RLIG1: variants seen among roughly 807,000 people sequenced by gnomAD.
RLIG1 encodes RNA ligase 1.
chr12:88,047,863 A>G, the RLIG1 span, among the ~76,000 whole-genome samples: 1 of 152,168 alleles, frequency 6.6e-6, no homozygotes, highest in South Asian at 2.1e-4. Flanking sequence ...ATTCTATCAT[A>G]TAACATTCCT....
chr12:88,041,151 A>C, the RLIG1 span, among the ~76,000 whole-genome samples: 1 of 152,242 alleles, frequency 6.6e-6, no homozygotes, highest in South Asian at 2.1e-4. Context: ...TCCTGTCTCT[A>C]TGAATTTGAC....
the RLIG1 span, among the ~76,000 whole-genome samples, chr12:88,037,343 C>T: frequency 1.3e-5 from 2 of 151,954 alleles, no homozygotes; most frequent in African/African-American, 4.8e-5. Context: ...CTTGTTTTTC[C>T]GGTAATAGTC....
chr12:88,040,038 G>C, the RLIG1 span: 3 of 704,152 alleles, frequency 4.3e-6, no homozygotes, highest in Non-Finnish European at 7.6e-6. Context: ...AAGATGAACT[G>C]GAGATCATTC....
At chr12:88,043,188 C>T in the RLIG1 span, among the ~76,000 whole-genome samples, 1 of 151,666 alleles carries the variant, frequency 6.6e-6, no homozygotes, top group African/African-American at 2.4e-5. Context: ...GAGACAAATA[C>T]GTAATTTTAT....
At chr12:88,046,636 G>A in the RLIG1 span, among the ~76,000 whole-genome samples, 2 of 152,166 alleles carry the variant, frequency 1.3e-5, no homozygotes, top group Admixed American at 6.5e-5. Context: ...GGAATTTAGA[G>A]TTATTGGAAT....
chr12:88,049,457 A>C, the RLIG1 span: 1 of 1,001,854 alleles, frequency 1.0e-6, no homozygotes. Flanking sequence ...TAGGAAATAT[A>C]CATATTTTAC....
At chr12:88,046,085 G>A in the RLIG1 span, among the ~76,000 whole-genome samples, 1 of 152,124 alleles carries the variant, frequency 6.6e-6, no homozygotes, top group African/African-American at 2.4e-5. Flanking sequence ...GTCGATTGAT[G>A]AAAATGCACT....
the RLIG1 span, chr12:88,042,085 G>C: frequency 6.6e-6 from 1 of 152,192 alleles, no homozygotes; most frequent in African/African-American, 2.4e-5. Context: ...GAGAGGCCAA[G>C]TAAAAGCTAC....
the RLIG1 span, chr12:88,036,141 C>T: frequency 8.1e-7 from 1 of 1,239,926 alleles, no homozygotes; most frequent in Non-Finnish European, 1.1e-6. Context: ...TATTAGAAGA[C>T]TTGCTTTACC....
At chr12:88,044,811 A>G in the RLIG1 span, 1 of 152,272 alleles carries the variant, frequency 6.6e-6, no homozygotes, top group Non-Finnish European at 1.5e-5. Context: ...GGGTATTTTG[A>G]ATATTTTATG....
At chr12:88,042,664 G>T in the RLIG1 span, 1 of 421,244 alleles carries the variant, frequency 2.4e-6, no homozygotes, top group South Asian at 8.9e-5. Flanking sequence ...TCTTCTCATA[G>T]CATCAGGTAC....
At chr12:88,048,297 G>C in the RLIG1 span, 1 of 1,601,970 alleles carries the variant, frequency 6.2e-7, no homozygotes. Flanking sequence ...TTCAAGACCA[G>C]TTATTATCAA....
chr12:88,037,482 A>C, the RLIG1 span, among the ~76,000 whole-genome samples: 1 of 152,186 alleles, frequency 6.6e-6, no homozygotes, highest in Non-Finnish European at 1.5e-5. Context: ...TATACTCATC[A>C]GGAGCTCCAT....
chr12:88,049,871 T>C, the RLIG1 span: 1 of 157,410 alleles, frequency 6.4e-6, no homozygotes, highest in African/African-American at 2.4e-5. Context: ...AGGGAAACCT[T>C]TGGGACTTCT....
chr12:88,035,605 G>C, the RLIG1 span: 1 of 1,558,544 alleles, frequency 6.4e-7, no homozygotes, highest in Non-Finnish European at 8.7e-7. Flanking sequence ...ACCGGGCGCC[G>C]CTCGAAAGCA....
At chr12:88,037,304 A>G in the RLIG1 span, among the ~76,000 whole-genome samples, 14 of 152,188 alleles carry the variant, frequency 9.2e-5, no homozygotes, top group Admixed American at 2.6e-4. Flanking sequence ...GGGCCACTCA[A>G]TTGATATTCA....
At chr12:88,038,706 A>G in the RLIG1 span, among the ~76,000 whole-genome samples, 1 of 152,204 alleles carries the variant, frequency 6.6e-6, no homozygotes, top group Admixed American at 6.5e-5. Context: ...GTTGAACTTT[A>G]TGATGATACA....
the RLIG1 span, chr12:88,049,061 T>C: frequency 5.6e-5 from 27 of 480,836 alleles, no homozygotes; most frequent in East Asian, 8.6e-4. Context: ...AATTCCAATC[T>C]AAGTATAAAG....
chr12:88,040,417 T>TA, the RLIG1 span: 1 of 500,484 alleles, frequency 2.0e-6, no homozygotes. Flanking sequence ...ATAGTTCACT[T>TA]ATGTTACTGT....
Sources: allele counts gnomAD v4.1 joint callset (sites outside exome capture counted in the v4.1 genomes callset), GRCh38; gene constraint gnomAD v4.1.1; transcripts MANE v1.5; gene names NCBI Gene and HGNC (gene_info 2026-07-23, HGNC 2026-07-21).